Variants in KCNMA1 observed in about 807,000 individuals in gnomAD.
The protein encoded by KCNMA1 is potassium calcium-activated channel subfamily M alpha 1, also known as Calcium-activated potassium channel subunit alpha-1.
Under a neutral mutation model 140.0 loss-of-function variants are expected in KCNMA1, and 29 were observed. The ratio of observed to expected loss-of-function variants is 0.21; its 90% confidence interval spans 0.15 to 0.28. The LOEUF is 0.28. Ranked by LOEUF, KCNMA1 falls within the 10% of genes least tolerant of loss-of-function variation. The pLI, the probability that KCNMA1 is intolerant of heterozygous loss-of-function variation, is 1.00. For missense variants in KCNMA1, 880 were observed against 1,602.2 expected, an observed-to-expected ratio of 0.55 and a Z score of 7.70; for synonymous variants, 612 against 611.9, an observed-to-expected ratio of 1.00 and a Z score of 0.00.
chr10:77,572,603 T>TAA lies in KCNMA1; in HGVS notation c.378+64660_378+64661dup, dbSNP rs1555462853. 1.2e-3 allele frequency among the ~76,000 whole-genome samples: 123 copies of TAA among 98,618 alleles called. 2 individuals are homozygous for TAA. Among genetic ancestry groups the TAA allele is most frequent in the Middle Eastern group, 0.011 (2 of 178 alleles). 64.7% of individuals were successfully genotyped at this position (98,618 alleles called of 152,430 possible). On this transcript the variant is annotated intron_variant, in intron 1 of 27. Transcript: ENST00000286628. ...ATATATATATATATATATATATATA[T>TAA]AAATTAGCTGGGCATGGTGGCATGT...
intron 2 of KCNMA1, among the ~76,000 whole-genome samples, chr10:77,325,814 A>G (rs759174222): frequency 6.6e-6 from 1 of 151,982 alleles, no homozygotes; most frequent in Non-Finnish European, 1.5e-5. Flanking sequence ...CCCCAGTTAG[A>G]TGATCTGGCC....
chr10:77,365,524 T>C (rs1269019503), intron 2 of KCNMA1, among the ~76,000 whole-genome samples: 1 of 152,098 alleles, frequency 6.6e-6, no homozygotes, highest in Non-Finnish European at 1.5e-5. Flanking sequence ...AGAGGAGGGG[T>C]AACTTGGAGC....
At position 77,172,592 on chromosome 10, in the gene KCNMA1, T is replaced by C. The variant is rs116862227; in HGVS notation, c.808+10829A>G. 1.4e-4 allele frequency among the ~76,000 whole-genome samples: 22 copies of C among 151,788 alleles called. No homozygotes were observed. In the East Asian group the frequency reaches 3.9e-3, roughly 27 times the overall value. ...GGCTGCCTTCTTCAGAGCCCAATCATAGGGACAGAACTTAATAATGAGTTC... is the reference window on the plus strand; with the variant it reads ...GGCTGCCTTCTTCAGAGCCCAATCACAGGGACAGAACTTAATAATGAGTTC... On this transcript the variant is annotated intron_variant, in intron 5 of 27. Coordinates refer to ENST00000286628, the MANE Select transcript of KCNMA1 (RefSeq NM_001161352.2).
At chr10:76,887,599 G>C (rs2037711628) in intron 27 of KCNMA1, 84 bp from the exon 28 acceptor site, 17 of 1,496,864 alleles carry the variant, frequency 1.1e-5, no homozygotes, top group Non-Finnish European at 9.3e-7. Context: ...GCAATGGCCT[G>C]GTTACTCAGG....
At chr10:76,909,257 C>A (rs975682685) in intron 25 of KCNMA1, among the ~76,000 whole-genome samples, 1 of 152,118 alleles carries the variant, frequency 6.6e-6, no homozygotes, top group Non-Finnish European at 1.5e-5. Flanking sequence ...CCACTGAGCT[C>A]CATCCACCTC....
intron 14 of KCNMA1, among the ~76,000 whole-genome samples, chr10:77,041,657 C>T (rs983105679): frequency 3.3e-5 from 5 of 152,190 alleles, no homozygotes; most frequent in African/African-American, 1.2e-4. Context: ...CGTTGAGCCG[C>T]TATGGGAGCT....
intron 2 of KCNMA1, among the ~76,000 whole-genome samples, chr10:77,329,079 AT>A (rs1329188224): frequency 2.0e-5 from 3 of 152,030 alleles, no homozygotes; most frequent in African/African-American, 7.3e-5. Flanking sequence ...TGACCTTGTG[AT>A]CCCCCTGCCT....
intron 7 of KCNMA1, among the ~76,000 whole-genome samples, chr10:77,110,952 G>A (rs545464561): frequency 6.6e-6 from 1 of 152,226 alleles, no homozygotes; most frequent in Non-Finnish European, 1.5e-5. Flanking sequence ...ATCTTCACAG[G>A]GGCATGGAAA....
intron 2 of KCNMA1, among the ~76,000 whole-genome samples, chr10:77,265,564 A>G (rs2063209073): frequency 1.3e-5 from 2 of 152,240 alleles, no homozygotes; most frequent in African/African-American, 4.8e-5. Context: ...CTATAAAAAT[A>G]TACTTTGAAG....
chr10:76,953,679 C>T, intron 21 of KCNMA1, 122 bp downstream of exon 21: 2 of 1,168,486 alleles, frequency 1.7e-6, no homozygotes, highest in Non-Finnish European at 2.6e-6. Context: ...GAATTTCACT[C>T]ATCAAAAATA....
chr10:77,094,429 T>C (rs1223920766), intron 9 of KCNMA1, among the ~76,000 whole-genome samples: 4 of 152,090 alleles, frequency 2.6e-5, no homozygotes, highest in Non-Finnish European at 5.9e-5. Flanking sequence ...TCCTCCTGGA[T>C]ACATGGTGGA....
Position 76,971,969 on chromosome 10 carries a change from G to A in KCNMA1, c.2267-1902C>T, listed in dbSNP as rs573613947. 1.5e-3 allele frequency among the ~76,000 whole-genome samples: 201 copies of A among 136,208 alleles called. 2 individuals carry two copies. Among genetic ancestry groups the A allele is most frequent in the African/African-American group, 5.7e-3 (194 of 33,920 alleles). The allele number at this position is 136,208 out of a possible 152,430, so 89.4% of individuals were successfully genotyped here. A position where few individuals can be genotyped will look rare whatever the true frequency, so the allele number is the denominator to read the frequency against. Reference sequence around the variant, plus strand: ...AATGGGGTAGAAAGGCAGCGAGGGTGTGTGGGTGTGTGTGTGTGTGTGTGT... The same window carrying A: ...AATGGGGTAGAAAGGCAGCGAGGGTATGTGGGTGTGTGTGTGTGTGTGTGT... On this transcript the variant is annotated intron_variant, in intron 19 of 27. Coordinates refer to ENST00000286628, the MANE Select transcript of KCNMA1 (RefSeq NM_001161352.2).
At chr10:77,149,786 G>T (rs1194142797) in intron 5 of KCNMA1, 1 of 152,134 alleles carries the variant, frequency 6.6e-6, no homozygotes, top group African/African-American at 2.4e-5. Context: ...ACCCATTTCT[G>T]CATACTACTG....
In KCNMA1 at chr10:77,585,237, C is replaced by G. The variant is rs12414699; in HGVS notation, c.378+52028G>C. 6.4e-3 allele frequency among the ~76,000 whole-genome samples: 980 copies of G among 152,292 alleles called. 45 individuals are homozygous for G. The highest frequency in any genetic ancestry group is 0.059 in the Admixed American group (910 of 15,304). On this transcript the variant is annotated intron_variant, in intron 1 of 27. Transcript: ENST00000286628. ...CAAATGGCTGCAACTCCTGCACAGTCAGACTGGCTGGGGTGAGTCTCAGCC... is the reference window on the plus strand; with the variant it reads ...CAAATGGCTGCAACTCCTGCACAGTGAGACTGGCTGGGGTGAGTCTCAGCC...
intron 2 of KCNMA1, among the ~76,000 whole-genome samples, chr10:77,283,005 T>C (rs2069253321): frequency 6.6e-6 from 1 of 152,210 alleles, no homozygotes; most frequent in African/African-American, 2.4e-5. Context: ...GTCAGACCAG[T>C]GAAGGCCAAC....
intron 1 of KCNMA1, among the ~76,000 whole-genome samples, chr10:77,423,847 A>C (rs11002163): frequency 0.065 from 9,838 of 152,286 alleles, 326 homozygotes; most frequent in Middle Eastern, 0.079. Flanking sequence ...TGGGTAAGGC[A>C]GAGGCACCCC....
chr10:77,595,210 G>C (rs927318948), intron 1 of KCNMA1, among the ~76,000 whole-genome samples: 2 of 152,060 alleles, frequency 1.3e-5, no homozygotes, highest in African/African-American at 4.8e-5. Context: ...AGCCGGGCAT[G>C]GTGGTGGGCG....
Position 76,889,630 on chromosome 10 carries a change from C to T in KCNMA1, c.3343-61G>A, listed in dbSNP as rs2038996241. 5.1e-6 allele frequency: 7 copies of T among 1,361,536 alleles called. No homozygotes were observed. The East Asian group carries it at 1.6e-4, about 31-fold the overall frequency. 84.3% of individuals were successfully genotyped at this position (1,361,536 alleles called of 1,614,324 possible). A position where few individuals can be genotyped will look rare whatever the true frequency, so the allele number is the denominator to read the frequency against. On this transcript the variant is annotated intron_variant, in intron 26 of 27. Coordinates refer to ENST00000286628, the MANE Select transcript of KCNMA1 (RefSeq NM_001161352.2). ...TTTTATTTGCCTGAAAATCAAGGGACAGCAGGGAAACGGGTCTTTTCATCA... is the reference window on the plus strand; with the variant it reads ...TTTTATTTGCCTGAAAATCAAGGGATAGCAGGGAAACGGGTCTTTTCATCA...
In KCNMA1 at chr10:77,038,694, C is replaced by A. The variant is rs1041836891; in HGVS notation, c.1859+834G>T. On this transcript the variant is annotated intron_variant, in intron 15 of 27. Coordinates refer to ENST00000286628, the MANE Select transcript of KCNMA1 (RefSeq NM_001161352.2). ...AGCTAGGACCATACGTGTGTGCCACCACACTCGGCTAATTTTCCTTATTTT... is the reference window on the plus strand; with the variant it reads ...AGCTAGGACCATACGTGTGTGCCACAACACTCGGCTAATTTTCCTTATTTT... Among the ~76,000 whole-genome samples, 7 of 152,146 alleles carry A rather than the reference C, an allele frequency of 4.6e-5. No homozygotes were observed. In the East Asian group the frequency reaches 1.4e-3, roughly 29 times the overall value.
Sources: gnomAD v4.1 joint callset for allele counts (sites outside exome capture counted in the v4.1 genomes callset) on GRCh38, gnomAD v4.1.1 for gene constraint, MANE v1.5 for transcripts, NCBI Gene and HGNC (gene_info 2026-07-23, HGNC 2026-07-21) for gene names.